Variants in SND1 observed in about 807,000 individuals in gnomAD.
SND1 encodes staphylococcal nuclease and tudor domain containing 1, also known as staphylococcal nuclease domain-containing protein 1.
Under a neutral mutation model 121.7 loss-of-function variants are expected in SND1, and 38 were observed. The observed-to-expected ratio is 0.31, with a 90% CI of 0.24 to 0.41. SND1 has a LOEUF of 0.41. Ranked by LOEUF, SND1 falls within the 10% of genes least tolerant of loss-of-function variation. The pLI is 1.00. For synonymous variants in SND1, 401 were observed against 447.4 expected, an observed-to-expected ratio of 0.90 and a Z score of 1.31; for missense variants, 868 against 1,184.6, an observed-to-expected ratio of 0.73 and a Z score of 3.92.
chr7:127,988,425 C>T (rs375404939), intron 15 of SND1, among the ~76,000 whole-genome samples: 1 of 152,250 alleles, frequency 6.6e-6, no homozygotes, highest in Non-Finnish European at 1.5e-5. Flanking sequence ...AGCAACGTAA[C>T]AAAGGCCCTT....
intron 2 of SND1, among the ~76,000 whole-genome samples, chr7:127,690,017 A>G (rs1427849912): frequency 6.8e-6 from 1 of 146,288 alleles, no homozygotes; most frequent in African/African-American, 2.5e-5. Context: ...CATACTTGAC[A>G]TTTGATTAAT....
intron 15 of SND1, among the ~76,000 whole-genome samples, chr7:127,941,774 G>A (rs1396556650): frequency 6.6e-6 from 1 of 151,080 alleles, no homozygotes; most frequent in East Asian, 1.9e-4. Flanking sequence ...CATGAATGAT[G>A]TCGTATGTGC....
At chr7:128,086,427 G>T (rs1793689428) in intron 20 of SND1, 2 of 218,242 alleles carry the variant, frequency 9.2e-6, no homozygotes, top group African/African-American at 4.7e-5. Flanking sequence ...CCCAGAGTTG[G>T]GCCATGCTCC....
intron 11 of SND1, among the ~76,000 whole-genome samples, chr7:127,823,686 C>G (rs1798592540): frequency 6.6e-6 from 1 of 152,168 alleles, no homozygotes; most frequent in Non-Finnish European, 1.5e-5. Context: ...TTGCCTCTCT[C>G]AACATTTTCG....
At chr7:127,953,665 A>G (rs1246204780) in intron 15 of SND1, among the ~76,000 whole-genome samples, 1 of 152,238 alleles carries the variant, frequency 6.6e-6, no homozygotes, top group African/African-American at 2.4e-5. Context: ...TGTCAAGTAA[A>G]AAGTGAAAAG....
In SND1 at chr7:127,707,546, T is replaced by C; in HGVS notation, c.948-11T>C. On this transcript the variant is annotated splice_polypyrimidine_tract_variant and intron_variant, in intron 8 of 23. Coordinates refer to ENST00000354725, the MANE Select transcript of SND1 (RefSeq NM_014390.4). ...AGTCTGAATGATCTTGCATCCTTGC[T>C]TTGTTGCCAGGTTTGCCAAAGAGCG... is the stretch of plus-strand genomic sequence containing the variant. 6.2e-7 allele frequency: 1 copy of C among 1,613,628 alleles called. No homozygotes were observed.
At chr7:127,873,009 A>G (rs1485353389) in intron 12 of SND1, among the ~76,000 whole-genome samples, 1 of 152,172 alleles carries the variant, frequency 6.6e-6, no homozygotes, top group Non-Finnish European at 1.5e-5. Context: ...TATCTTTGTG[A>G]AAACCAGAGA....
intron 16 of SND1, among the ~76,000 whole-genome samples, chr7:128,022,137 G>A (rs1316137872): frequency 6.7e-6 from 1 of 148,482 alleles, no homozygotes; most frequent in African/African-American, 2.5e-5. Context: ...CCCGGGAGGC[G>A]GAGGTTGCAG....
At chr7:127,844,560 T>C in intron 12 of SND1, 136 bp downstream of exon 12, 1 of 617,252 alleles carries the variant, frequency 1.6e-6, no homozygotes, top group Non-Finnish European at 2.8e-6. Context: ...ATTTTGTGCC[T>C]GTGTAGCACT....
intron 11 of SND1, among the ~76,000 whole-genome samples, chr7:127,819,176 G>A (rs1798501092): frequency 6.6e-6 from 1 of 152,074 alleles, no homozygotes; most frequent in Admixed American, 6.5e-5. Context: ...ATTTCTTCAG[G>A]GTGGAACTAT....
At chr7:127,822,485 A>G (rs963473714) in intron 11 of SND1, among the ~76,000 whole-genome samples, 9 of 152,100 alleles carry the variant, frequency 5.9e-5, no homozygotes, top group African/African-American at 2.2e-4. Context: ...GATATTGTTC[A>G]TTCTGTCTTT....
rs537393881 is a variant in SND1 at position 127,902,975 on chromosome 7, G to A, written c.1455-1772G>A. Among the ~76,000 whole-genome samples, 11 of 151,996 alleles carry A rather than the reference G, an allele frequency of 7.2e-5. No individual in the cohort carries two copies. The East Asian group carries it at 7.7e-4, about 11-fold the overall frequency. Reference sequence around the variant, plus strand: ...TGGCTCACTGCAACCTCCACCTCCCGGGTTCAAGGAATTCTCCTGCCTCAG... The same window carrying A: ...TGGCTCACTGCAACCTCCACCTCCCAGGTTCAAGGAATTCTCCTGCCTCAG... On this transcript the variant is annotated intron_variant, in intron 13 of 23. Coordinates refer to ENST00000354725, the MANE Select transcript of SND1 (RefSeq NM_014390.4).
chr7:127,975,336 C>T (rs964362641), intron 15 of SND1, among the ~76,000 whole-genome samples: 3 of 151,988 alleles, frequency 2.0e-5, no homozygotes, highest in Admixed American at 6.6e-5. Flanking sequence ...TGTGTGGGCG[C>T]GCGCGCATGT....
intron 16 of SND1, chr7:127,999,369 T>C (rs1000129926): frequency 6.9e-6 from 1 of 145,496 alleles, no homozygotes; most frequent in African/African-American, 2.6e-5. Context: ...GATCAATTTG[T>C]TTTTCTTAAT....
rs1056516577 is a variant in SND1 at position 128,085,898 on chromosome 7, G to A, written c.2304+118G>A. 4.1e-5 allele frequency: 36 copies of A among 888,332 alleles called. No individual in the cohort carries two copies. In the Admixed American group the frequency reaches 7.1e-4, roughly 17 times the overall value. 55.0% of individuals were successfully genotyped at this position (888,332 alleles called of 1,614,324 possible). The stretch of plus-strand genomic sequence containing the variant: ...TACCAATAGAACAATGAGCATTGGG[G>A]CATCTCTGCTGTGCGTGTAACAGGC... On this transcript the variant is annotated intron_variant, in intron 20 of 23. Transcript: ENST00000354725. This position sits in a 1 kb window ranked among gnomAD's most constrained non-coding sequence, Gnocchi z 4.4.
chr7:127,864,788 T>C (rs1443767094), intron 12 of SND1, among the ~76,000 whole-genome samples: 1 of 152,192 alleles, frequency 6.6e-6, no homozygotes, highest in Non-Finnish European at 1.5e-5. Flanking sequence ...TTCAGATGCA[T>C]CTGGAATAAC....
At chr7:127,822,434 T>A (rs1474598854) in intron 11 of SND1, among the ~76,000 whole-genome samples, 3 of 152,356 alleles carry the variant, frequency 2.0e-5, no homozygotes, top group East Asian at 3.9e-4. Context: ...GCCATAATTT[T>A]CCTACTTGAA....
At chr7:127,975,508 G>C (rs1406338122) in intron 15 of SND1, among the ~76,000 whole-genome samples, 1 of 151,964 alleles carries the variant, frequency 6.6e-6, no homozygotes, top group Non-Finnish European at 1.5e-5. Context: ...CCAGCAATCA[G>C]AGTAAAAGGC....
intron 15 of SND1, among the ~76,000 whole-genome samples, chr7:127,958,433 TG>T (rs1801650562): frequency 6.7e-6 from 1 of 149,840 alleles, no homozygotes; most frequent in South Asian, 2.1e-4. Flanking sequence ...ATTCAGGGCC[TG>T]GACTGCATAG....
Sources: allele counts gnomAD v4.1 joint callset (sites outside exome capture counted in the v4.1 genomes callset), GRCh38; gene constraint gnomAD v4.1.1; non-coding constraint Gnocchi (gnomAD v3.1); transcripts MANE v1.5; gene names NCBI Gene and HGNC (gene_info 2026-07-23, HGNC 2026-07-21).